The following CDK14 variants were observed in gnomAD, a reference collection of about 807,000 sequenced individuals.
The protein encoded by CDK14 is cyclin dependent kinase 14.
CDK14 carries 34 observed loss-of-function variants against 60.7 expected under a neutral mutation model. The ratio of observed to expected loss-of-function variants is 0.56; its 90% confidence interval spans 0.43 to 0.75. The LOEUF (loss-of-function observed/expected upper bound fraction) is 0.75. Among genes scored for constraint, CDK14 ranks in the 30% least tolerant of loss-of-function variants. The pLI, the probability that CDK14 is intolerant of heterozygous loss-of-function variation, is 0.00. For synonymous variants in CDK14, 197 were observed against 203.7 expected (o/e 0.97, Z 0.28); for missense variants, 482 against 564.1 (o/e 0.85, Z 1.47).
intron 12 of CDK14, among the ~76,000 whole-genome samples, chr7:91,083,808 G>A (rs1316656336): frequency 6.6e-6 from 1 of 152,146 alleles, no homozygotes; most frequent in Non-Finnish European, 1.5e-5. Flanking sequence ...AAAGATTCAG[G>A]TTGCAAGCAG....
At chr7:90,984,437 A>G (rs539929742) in intron 10 of CDK14, among the ~76,000 whole-genome samples, 196 bp downstream of exon 10, 4 of 152,348 alleles carry the variant, frequency 2.6e-5, no homozygotes, top group African/African-American at 9.6e-5. Context: ...CGTGAATAAC[A>G]TGTCAAAGTG....
At chr7:90,884,993 A>G (rs1216531708) in intron 6 of CDK14, among the ~76,000 whole-genome samples, 1 of 152,160 alleles carries the variant, frequency 6.6e-6, no homozygotes, top group Non-Finnish European at 1.5e-5. Flanking sequence ...CTAGAGGAAA[A>G]CCTAGGCTGT....
At chr7:90,659,710 T>C (rs1248284659) in intron 2 of CDK14, among the ~76,000 whole-genome samples, 1 of 152,120 alleles carries the variant, frequency 6.6e-6, no homozygotes, top group Non-Finnish European at 1.5e-5. Flanking sequence ...AATAATGATA[T>C]AAGGTAGAAA....
chr7:91,172,837 T>G (rs1801570546), intron 14 of CDK14, among the ~76,000 whole-genome samples: 1 of 152,240 alleles, frequency 6.6e-6, no homozygotes, highest in African/African-American at 2.4e-5. Context: ...ACCTTGTACC[T>G]TACTCTTTCA....
At chr7:91,141,799 T>TTTG (rs10654091) in intron 14 of CDK14, among the ~76,000 whole-genome samples, 75,576 of 149,948 alleles carry the variant, frequency 0.5, 19,852 homozygotes, top group Middle Eastern at 0.59. Flanking sequence ...AACAGTGGGT[T>TTTG]TTGTTGTTGT....
intron 11 of CDK14, among the ~76,000 whole-genome samples, chr7:91,068,772 A>G (rs952193507): frequency 1.0e-4 from 14 of 137,638 alleles, no homozygotes; most frequent in Admixed American, 2.4e-4. Flanking sequence ...TCTGTAGTGT[A>G]CTTTCCAAAT....
intron 2 of CDK14, among the ~76,000 whole-genome samples, chr7:90,664,836 GC>G (rs1800941037): frequency 6.6e-6 from 1 of 151,974 alleles, no homozygotes; most frequent in Admixed American, 6.6e-5. Flanking sequence ...TATACCTAAT[GC>G]TAAATGACGA....
intron 5 of CDK14, among the ~76,000 whole-genome samples, chr7:90,833,597 G>C (rs1047671311): frequency 1.3e-5 from 2 of 152,192 alleles, no homozygotes; most frequent in Non-Finnish European, 2.9e-5. Flanking sequence ...TGATTGGTGT[G>C]AATGAAGAGT....
intron 5 of CDK14, among the ~76,000 whole-genome samples, chr7:90,817,339 TA>T (rs1431298252): frequency 1.3e-5 from 2 of 152,168 alleles, no homozygotes; most frequent in Non-Finnish European, 2.9e-5. Flanking sequence ...ATCGTACTTT[TA>T]AAAACCCTAG....
At chr7:90,629,332 A>G (rs972429839) in intron 2 of CDK14, among the ~76,000 whole-genome samples, 2 of 152,186 alleles carry the variant, frequency 1.3e-5, no homozygotes, top group Non-Finnish European at 1.5e-5. Context: ...TTGTATTGAC[A>G]TAATTACTTG....
In CDK14 at chr7:90,988,601, T is replaced by C. The variant is rs571121403; in HGVS notation, c.1041+4360T>C. ...TAATAAAAAATTTGTATTCTAAACA[T>C]ATTATTCTGAATTGAAAAAGAAGGG... On this transcript the variant is annotated intron_variant, in intron 10 of 14. Coordinates refer to ENST00000380050, the MANE Select transcript of CDK14 (RefSeq NM_001287135.2). Among the ~76,000 whole-genome samples, 8 of 152,300 alleles carry C rather than the reference T, an allele frequency of 5.3e-5. No individual in the cohort carries two copies. In the East Asian group the frequency reaches 1.4e-3, roughly 26 times the overall value.
At chr7:90,725,251 G>A (rs1399941930) in intron 2 of CDK14, among the ~76,000 whole-genome samples, 1 of 152,026 alleles carries the variant, frequency 6.6e-6, no homozygotes, top group African/African-American at 2.4e-5. Flanking sequence ...AATCTTGCCC[G>A]TTCAATTCCA....
chr7:90,773,872 C>T (rs1350974357), intron 4 of CDK14, among the ~76,000 whole-genome samples: 10 of 116,318 alleles, frequency 8.6e-5, no homozygotes, highest in African/African-American at 2.9e-4. Context: ...CTCTCCTCTC[C>T]TCTCCTCTCC....
At chr7:90,733,112 G>T (rs556588993) in intron 3 of CDK14, among the ~76,000 whole-genome samples, 9 of 151,984 alleles carry the variant, frequency 5.9e-5, no homozygotes, top group African/African-American at 2.2e-4. Flanking sequence ...GTAGTCATTC[G>T]GGAGCAGGTT....
chr7:90,904,572 A>G (rs1792632073), intron 7 of CDK14, among the ~76,000 whole-genome samples: 1 of 152,080 alleles, frequency 6.6e-6, no homozygotes, highest in African/African-American at 2.4e-5. Context: ...AAAAAATACA[A>G]AGATGAAAAA....
chr7:90,633,580 A>G (rs971788645), intron 2 of CDK14, among the ~76,000 whole-genome samples: 2 of 152,214 alleles, frequency 1.3e-5, no homozygotes, highest in Non-Finnish European at 2.9e-5. Context: ...TACGGTAAGG[A>G]TAGACAAATT....
chr7:91,011,310 G>C (rs1297972216), intron 10 of CDK14, among the ~76,000 whole-genome samples: 1 of 152,110 alleles, frequency 6.6e-6, no homozygotes, highest in Non-Finnish European at 1.5e-5. Context: ...TCAGCACCTA[G>C]AGGGTTAAGT....
intron 8 of CDK14, among the ~76,000 whole-genome samples, chr7:90,941,949 C>T (rs891755311): frequency 1.3e-5 from 2 of 152,222 alleles, no homozygotes; most frequent in Non-Finnish European, 2.9e-5. Flanking sequence ...TTGCCATCTG[C>T]CCAAGGGCAA....
chr7:91,081,212 G>A (rs569858558), intron 12 of CDK14, among the ~76,000 whole-genome samples: 232 of 152,260 alleles, frequency 1.5e-3, no homozygotes, highest in Non-Finnish European at 2.6e-3. Context: ...ATGCAGAGAC[G>A]TTAATTATAT....
Sources: allele counts gnomAD v4.1 joint callset (sites outside exome capture counted in the v4.1 genomes callset), GRCh38; gene constraint gnomAD v4.1.1; transcripts MANE v1.5; gene names NCBI Gene and HGNC (gene_info 2026-07-23, HGNC 2026-07-21).